LRP1B: variants seen among roughly 807,000 people sequenced by gnomAD.
LRP1B encodes low-density lipoprotein receptor-related protein 1B.
In LRP1B, 217 loss-of-function variants were observed where a neutral mutation model predicts 556.6. The ratio of observed to expected loss-of-function variants is 0.39; its 90% confidence interval spans 0.35 to 0.44. The LOEUF (loss-of-function observed/expected upper bound fraction) is 0.44, where lower values mean the gene tolerates loss of function less well. Among genes scored for constraint, LRP1B ranks in the 20% least tolerant of loss-of-function variants. The pLI is 1.00. For missense variants in LRP1B, 5,053 were observed against 5,620.8 expected, an observed-to-expected ratio of 0.90 and a Z score of 3.23; for synonymous variants, 2,047 against 1,865.8, an observed-to-expected ratio of 1.10 and a Z score of -2.50.
At chr2:141,558,356 TA>T (rs1042120079) in intron 2 of LRP1B, among the ~76,000 whole-genome samples, 1 of 151,716 alleles carries the variant, frequency 6.6e-6, no homozygotes, top group Non-Finnish European at 1.5e-5. Flanking sequence ...AAGAGGTAGA[TA>T]TTTTTTTTCC....
intron 1 of LRP1B, among the ~76,000 whole-genome samples, chr2:141,909,830 G>C (rs1419279677): frequency 6.6e-6 from 1 of 151,910 alleles, no homozygotes; most frequent in African/African-American, 2.4e-5. Context: ...CATATACATA[G>C]TAGACACTGA....
intron 1 of LRP1B, among the ~76,000 whole-genome samples, chr2:142,094,580 ATAT>A (rs908297665): frequency 1.2e-3 from 180 of 152,112 alleles, no homozygotes; most frequent in African/African-American, 3.7e-3. Context: ...TTAGGGTATA[ATAT>A]TATTAGTTAA....
At chr2:141,066,091 T>C (rs1699474631) in intron 7 of LRP1B, among the ~76,000 whole-genome samples, 1 of 152,008 alleles carries the variant, frequency 6.6e-6, no homozygotes, top group African/African-American at 2.4e-5. Context: ...CAAAAATTAA[T>C]ATTAAAAGAC....
At chr2:140,388,234 G>A (rs1047246304) in intron 66 of LRP1B, among the ~76,000 whole-genome samples, 1 of 152,004 alleles carries the variant, frequency 6.6e-6, no homozygotes, top group African/African-American at 2.4e-5. Flanking sequence ...ACCATGCCTG[G>A]CCTGCTTGTA....
At chr2:140,908,365 AAT>A (rs71834225) in intron 21 of LRP1B, among the ~76,000 whole-genome samples, 13,119 of 140,792 alleles carry the variant, frequency 0.093, 856 homozygotes, top group East Asian at 0.27. Flanking sequence ...ATATTTATAT[AAT>A]ATATATATAT....
intron 2 of LRP1B, among the ~76,000 whole-genome samples, chr2:141,686,157 T>C (rs984119630): frequency 9.2e-5 from 14 of 152,006 alleles, no homozygotes; most frequent in Non-Finnish European, 1.3e-4. Context: ...CTCTCATAGA[T>C]GCAATGCTCT....
At chr2:141,563,960 G>A (rs1189981863) in intron 2 of LRP1B, among the ~76,000 whole-genome samples, 3 of 151,944 alleles carry the variant, frequency 2.0e-5, no homozygotes, top group Non-Finnish European at 2.9e-5. Context: ...CCCAAACCTC[G>A]GCAACACACA....
intron 1 of LRP1B, among the ~76,000 whole-genome samples, chr2:141,878,513 A>G (rs1698844387): frequency 6.6e-6 from 1 of 152,004 alleles, no homozygotes; most frequent in Admixed American, 6.6e-5. Context: ...ATAAACAAAT[A>G]GAATGGAGAA....
Position 140,342,972 on chromosome 2 carries a change from C to A in LRP1B, c.11893-7134G>T, listed in dbSNP as rs563773957. On this transcript the variant is annotated intron_variant, in intron 77 of 90. Coordinates refer to ENST00000389484, the MANE Select transcript of LRP1B (RefSeq NM_018557.3). ...AAGTAAATCTTCTATATAGCAAAAA[C>A]CATCAGAAACAAAGCAAATTCATTT... Among the ~76,000 whole-genome samples the A allele has an allele frequency of 3.0e-3, 461 of 151,208 alleles. 1 individual carries two copies. The highest frequency in any genetic ancestry group is 2.7e-3 in the Non-Finnish European group (182 of 67,630).
chr2:140,330,231 A>AT (rs1680735853), intron 79 of LRP1B, among the ~76,000 whole-genome samples: 1 of 147,452 alleles, frequency 6.8e-6, no homozygotes, highest in Admixed American at 6.8e-5. Context: ...AATAATAATA[A>AT]TAATAATAAT....
chr2:141,012,459 G>A (rs2105383611), intron 14 of LRP1B, among the ~76,000 whole-genome samples: 1 of 152,008 alleles, frequency 6.6e-6, no homozygotes, highest in East Asian at 1.9e-4. Context: ...GGGTTTATAT[G>A]AATATAATAA....
intron 3 of LRP1B, among the ~76,000 whole-genome samples, chr2:141,417,758 A>ATTT (rs56660575): frequency 0.29 from 39,160 of 136,022 alleles, 5,629 homozygotes; most frequent in Admixed American, 0.31. Context: ...TGGTAGTTCT[A>ATTT]TTTTTTTTTT....
intron 2 of LRP1B, among the ~76,000 whole-genome samples, chr2:141,538,472 A>T (rs2105204682): frequency 6.6e-6 from 1 of 152,126 alleles, no homozygotes; most frequent in Middle Eastern, 3.4e-3. Context: ...TCATTATTCT[A>T]GCAATCTATT....
chr2:141,788,931 T>C (rs938627265), intron 2 of LRP1B, among the ~76,000 whole-genome samples: 4 of 152,104 alleles, frequency 2.6e-5, no homozygotes, highest in African/African-American at 9.7e-5. Flanking sequence ...CTTAATCCAG[T>C]CTATCATTGT....
chr2:140,813,179 C>A (rs1573752425), intron 32 of LRP1B, among the ~76,000 whole-genome samples: 1 of 152,110 alleles, frequency 6.6e-6, no homozygotes, highest in East Asian at 1.9e-4. Context: ...TAAGTAAAAT[C>A]TCTACTCACT....
chr2:140,808,760 G>A (rs1014432532), intron 32 of LRP1B, among the ~76,000 whole-genome samples: 1 of 152,172 alleles, frequency 6.6e-6, no homozygotes, highest in African/African-American at 2.4e-5. Context: ...AGGGGTGCAA[G>A]TTCTACAACA....
chr2:141,119,731 T>G (rs931396115), intron 7 of LRP1B, among the ~76,000 whole-genome samples: 7 of 151,728 alleles, frequency 4.6e-5, no homozygotes, highest in Admixed American at 4.6e-4. Flanking sequence ...TGTGTGTGTG[T>G]GTGTGTCTGT....
chr2:140,671,289 G>C (rs1455881455), intron 41 of LRP1B, among the ~76,000 whole-genome samples: 2 of 152,190 alleles, frequency 1.3e-5, no homozygotes, highest in Non-Finnish European at 2.9e-5. Flanking sequence ...GGGAGGCCAA[G>C]GCGGGCGGAT....
rs369979433 is a variant in LRP1B, at chr2:140,942,452, T to C, written c.3136+7783A>G. Among the ~76,000 whole-genome samples, 11 of 152,186 alleles carry C rather than the reference T, an allele frequency of 7.2e-5. No homozygotes were observed. In the East Asian group the frequency reaches 7.7e-4, roughly 11 times the overall value. On this transcript the variant is annotated intron_variant, in intron 20 of 90. Coordinates refer to ENST00000389484, the MANE Select transcript of LRP1B (RefSeq NM_018557.3). ...AGAAATTCAGGGAATTCCTGCAAGA[T>C]ACATACAAGATGATCATCTTCAAAA...
Sources: gnomAD v4.1 joint callset for allele counts (sites outside exome capture counted in the v4.1 genomes callset) on GRCh38, gnomAD v4.1.1 for gene constraint, MANE v1.5 for transcripts, NCBI Gene and HGNC (gene_info 2026-07-23, HGNC 2026-07-21) for gene names.